CHN2: variants seen among roughly 807,000 people sequenced by gnomAD.
The protein encoded by CHN2 is chimerin 2.
CHN2 carries 35 observed loss-of-function variants against 56.3 expected under a neutral mutation model. The observed-to-expected ratio is 0.62, with a 90% CI of 0.47 to 0.82. The LOEUF is 0.82. CHN2 is among the 40% of genes least tolerant of loss of function. CHN2 has a pLI of 0.00. For synonymous variants in CHN2, 210 were observed against 212.8 expected (o/e 0.99, Z 0.12); for missense variants, 491 against 580.5 (o/e 0.85, Z 1.58).
intron 1 of CHN2, among the ~76,000 whole-genome samples, chr7:29,244,405 G>C (rs1787915456): frequency 6.6e-6 from 1 of 152,192 alleles, no homozygotes; most frequent in South Asian, 2.1e-4. Flanking sequence ...AGTCATTTCT[G>C]CTATTCTCTG....
At chr7:29,279,651 G>A (rs1357449575) in intron 1 of CHN2, among the ~76,000 whole-genome samples, 2 of 152,146 alleles carry the variant, frequency 1.3e-5, no homozygotes, top group African/African-American at 2.4e-5. Context: ...CTCCCCAGTC[G>A]GAAAACAGGA....
At chr7:29,488,176 T>G (rs187528605) in intron 7 of CHN2, among the ~76,000 whole-genome samples, 64 of 152,204 alleles carry the variant, frequency 4.2e-4, no homozygotes, top group Non-Finnish European at 7.1e-4. Flanking sequence ...GAACTCAGAG[T>G]GTCTGTCATA....
At chr7:29,486,970 G>T (rs912100200) in intron 7 of CHN2, among the ~76,000 whole-genome samples, 1 of 152,058 alleles carries the variant, frequency 6.6e-6, no homozygotes, top group Non-Finnish European at 1.5e-5. Flanking sequence ...TTTGCTTCCC[G>T]CATGCAAGCC....
chr7:29,427,195 A>G lies in CHN2; in HGVS notation c.576+26367A>G, dbSNP rs1804952549. Among the ~76,000 whole-genome samples the G allele has an allele frequency of 2.0e-5, 3 of 152,184 alleles. No homozygotes were observed. The South Asian group carries it at 6.2e-4, about 32-fold the overall frequency. On this transcript the variant is annotated intron_variant, in intron 6 of 12. Coordinates refer to ENST00000222792, the MANE Select transcript of CHN2 (RefSeq NM_004067.4). ...TAGTTGGGTATGGTGCACATGCAGT[A>G]ATCCCAGTTACGTGGGAGGCTGAGG... is the stretch of plus-strand genomic sequence containing the variant.
At chr7:29,409,295 T>A (rs866029793) in intron 6 of CHN2, among the ~76,000 whole-genome samples, 1 of 152,232 alleles carries the variant, frequency 6.6e-6, no homozygotes, top group Non-Finnish European at 1.5e-5. Flanking sequence ...TAATGTGGGT[T>A]AAATCTTGAT....
At chr7:29,253,351 G>A (rs983827920) in intron 1 of CHN2, among the ~76,000 whole-genome samples, 1 of 152,228 alleles carries the variant, frequency 6.6e-6, no homozygotes, top group African/African-American at 2.4e-5. Flanking sequence ...GGAGGAAGAG[G>A]TGGCTCATGT....
intron 1 of CHN2, among the ~76,000 whole-genome samples, chr7:29,231,970 G>A (rs1457935694): frequency 6.6e-6 from 1 of 152,136 alleles, no homozygotes; most frequent in African/African-American, 2.4e-5. Context: ...CACTTGAAGG[G>A]TAAACCGCTT....
upstream of CHN2, among the ~76,000 whole-genome samples, chr7:29,190,311 T>C (rs778599309): frequency 6.6e-6 from 1 of 152,218 alleles, no homozygotes; most frequent in Non-Finnish European, 1.5e-5. Context: ...AGCCCTGCTA[T>C]TCTCCTGTGA....
chr7:29,354,969 T>TTTAC (rs1562541509), intron 2 of CHN2, among the ~76,000 whole-genome samples: 1 of 150,494 alleles, frequency 6.6e-6, no homozygotes, highest in African/African-American at 2.4e-5. Context: ...TATTTATTTA[T>TTTAC]TTATTTTTTA....
At position 29,513,899 on chromosome 7, in the gene CHN2, A is replaced by G. The variant is rs1791775877; in HGVS notation, c.*1164A>G. On this transcript the variant is annotated 3_prime_UTR_variant, in exon 13 of 13. Coordinates refer to ENST00000222792, the MANE Select transcript of CHN2 (RefSeq NM_004067.4). ...CTTAGCATGAGCCTTTCACACCAAG[A>G]TTTCTATATTTTGTAACATAGGTGA... is the stretch of plus-strand genomic sequence containing the variant. 1 of 152,648 alleles carries G rather than the reference A, an allele frequency of 6.6e-6. No homozygotes were observed. Among genetic ancestry groups the G allele is most frequent in the Non-Finnish European group, 1.5e-5 (1 of 68,036 alleles). The allele number at this position is 152,648 out of a possible 1,614,324, so 9.5% of individuals were successfully genotyped here.
chr7:29,182,015 A>G (rs1429180240), intron 2 of CHN2, among the ~76,000 whole-genome samples: 1 of 152,218 alleles, frequency 6.6e-6, no homozygotes, highest in Non-Finnish European at 1.5e-5. Context: ...AATGCTGTAA[A>G]TGACTTTTTC....
chr7:29,334,298 G>A (rs1019299243), intron 1 of CHN2, among the ~76,000 whole-genome samples: 4 of 151,924 alleles, frequency 2.6e-5, no homozygotes, highest in African/African-American at 4.8e-5. Flanking sequence ...TGATCCACTC[G>A]CCTTGGCCTC....
At chr7:29,220,279 A>AG (rs763303076) in intron 1 of CHN2, among the ~76,000 whole-genome samples, 9,188 of 102,584 alleles carry the variant, frequency 0.09, 354 homozygotes, top group East Asian at 0.16. Context: ...TAAAAAAAAA[A>AG]AAGAGAGAGA....
intron 1 of CHN2, among the ~76,000 whole-genome samples, chr7:29,254,138 C>T (rs866816240): frequency 2.6e-5 from 4 of 152,292 alleles, no homozygotes; most frequent in Admixed American, 2.0e-4. Flanking sequence ...CTCCTGACCT[C>T]GTGATCCATC....
chr7:29,306,234 G>C (rs542773717), intron 1 of CHN2, among the ~76,000 whole-genome samples: 1 of 152,272 alleles, frequency 6.6e-6, no homozygotes, highest in African/African-American at 2.4e-5. Context: ...GTCTTAAGAA[G>C]CAGACTTGAA....
At chr7:29,431,068 A>G (rs1453957642) in intron 6 of CHN2, among the ~76,000 whole-genome samples, 6 of 152,146 alleles carry the variant, frequency 3.9e-5, no homozygotes, top group South Asian at 2.1e-4. Context: ...TCTGCCCCCA[A>G]GCCTAACCAG....
intron 1 of CHN2, among the ~76,000 whole-genome samples, chr7:29,320,348 C>T (rs1795243512): frequency 6.6e-6 from 1 of 152,108 alleles, no homozygotes; most frequent in South Asian, 2.1e-4. Context: ...TTGTCACCCC[C>T]TCGCCCCCTG....
At chr7:29,394,587 C>T (rs184749649) in intron 4 of CHN2, among the ~76,000 whole-genome samples, 22 of 152,338 alleles carry the variant, frequency 1.4e-4, no homozygotes, top group Admixed American at 7.2e-4. Context: ...GAACCTTCCT[C>T]GCAGCACCCT....
In CHN2 at chr7:29,507,330, C is replaced by T. The variant is rs1412885947; in HGVS notation, c.1094C>T (p.Thr365Ile). The T allele has an allele frequency of 6.2e-7, 1 of 1,611,898 alleles. No homozygotes were observed. The highest frequency in any genetic ancestry group is 8.5e-7 in the Non-Finnish European group (1 of 1,178,594). ...AGAGACTTACCCATCCCTGTCATCA[C>T]ATATGATACCTATTCCAAATTTATA... ...YFRDLPIPVITYDTYSKFIDA... is the reference protein window; with the variant it reads ...YFRDLPIPVIIYDTYSKFIDA... Residue 365 changes from threonine (T) to isoleucine (I), a missense_variant, in exon 11 of 13, where the codon ACA becomes ATA. Coordinates refer to ENST00000222792, the MANE Select transcript of CHN2 (RefSeq NM_004067.4).
Sources: gnomAD v4.1 joint callset for allele counts (sites outside exome capture counted in the v4.1 genomes callset) on GRCh38, gnomAD v4.1.1 for gene constraint, MANE v1.5 for transcripts, NCBI Gene and HGNC (gene_info 2026-07-23, HGNC 2026-07-21) for gene names.